Variants in CAMSAP2 observed in about 807,000 individuals in gnomAD.
CAMSAP2 encodes calmodulin regulated spectrin associated protein family member 2.
CAMSAP2 carries 26 observed loss-of-function variants against 146.1 expected under a neutral mutation model. That is an observed-to-expected ratio of 0.18 (90% CI 0.13 to 0.25). CAMSAP2 has a LOEUF of 0.25. Among genes scored for constraint, CAMSAP2 ranks in the 10% least tolerant of loss-of-function variants. CAMSAP2 has a pLI of 1.00. For synonymous variants in CAMSAP2, 499 were observed against 596.6 expected (o/e 0.84, Z 2.38); for missense variants, 1,381 against 1,759.3 (o/e 0.78, Z 3.85).
intron 4 of CAMSAP2, among the ~76,000 whole-genome samples, chr1:200,817,409 T>A (rs1298571149): frequency 6.6e-6 from 1 of 152,146 alleles, no homozygotes; most frequent in East Asian, 1.9e-4. Context: ...TTTAGTTGTG[T>A]GTTTGTCATA....
chr1:200,769,423 C>T (rs1156700005), intron 2 of CAMSAP2, among the ~76,000 whole-genome samples: 1 of 152,104 alleles, frequency 6.6e-6, no homozygotes, highest in African/African-American at 2.4e-5. Flanking sequence ...GTGGGGTGTC[C>T]TCTAATTCAG....
intron 7 of CAMSAP2, 129 bp downstream of exon 7, chr1:200,842,216 G>A: frequency 3.0e-6 from 2 of 655,976 alleles, no homozygotes; most frequent in East Asian, 2.8e-5. Context: ...TATTACACTT[G>A]ATAGATTCTC....
At chr1:200,816,620 ATATATG>A (rs1666498966) in intron 4 of CAMSAP2, among the ~76,000 whole-genome samples, 1 of 141,542 alleles carries the variant, frequency 7.1e-6, no homozygotes, top group African/African-American at 2.6e-5. Flanking sequence ...ATATATATAT[ATATATG>A]TATATATATA....
At chr1:200,805,394 C>T (rs750827629) in intron 2 of CAMSAP2, among the ~76,000 whole-genome samples, 5 of 152,060 alleles carry the variant, frequency 3.3e-5, no homozygotes, top group South Asian at 4.1e-4. Flanking sequence ...CCAGATACCA[C>T]GTTAGATGTA....
intron 2 of CAMSAP2, among the ~76,000 whole-genome samples, chr1:200,799,170 A>T (rs1665967246): frequency 6.6e-6 from 1 of 152,178 alleles, no homozygotes; most frequent in African/African-American, 2.4e-5. Context: ...TATCAGGATG[A>T]TGCTGGCCTC....
At chr1:200,838,961 G>C (rs1041528782) in intron 6 of CAMSAP2, among the ~76,000 whole-genome samples, 2 of 152,178 alleles carry the variant, frequency 1.3e-5, no homozygotes, top group Non-Finnish European at 2.9e-5. Context: ...CTGGGATAGT[G>C]GTGCCATTCA....
chr1:200,771,273 A>G (rs1263256560), intron 2 of CAMSAP2, among the ~76,000 whole-genome samples: 1 of 152,196 alleles, frequency 6.6e-6, no homozygotes, highest in Admixed American at 6.5e-5. Flanking sequence ...TACAAAAATA[A>G]TTTACTTTGC....
chr1:200,782,782 C>CTTTTTTTTTTT (rs57995961), intron 2 of CAMSAP2, among the ~76,000 whole-genome samples: 1 of 72,242 alleles, frequency 1.4e-5, no homozygotes, highest in Non-Finnish European at 2.7e-5. Flanking sequence ...TCATTTCTCT[C>CTTTTTTTTTTT]TTTTTTTTTT....
chr1:200,742,594 T>C (rs1664212017), intron 1 of CAMSAP2, among the ~76,000 whole-genome samples: 1 of 152,186 alleles, frequency 6.6e-6, no homozygotes, highest in South Asian at 2.1e-4. Flanking sequence ...GGTTAATAGA[T>C]AGCATATTTC....
chr1:200,741,550 A>G (rs1265620230), intron 1 of CAMSAP2, among the ~76,000 whole-genome samples: 2 of 152,260 alleles, frequency 1.3e-5, no homozygotes, highest in African/African-American at 4.8e-5. Flanking sequence ...GTGGAAAAGT[A>G]GTATGTATAA....
intron 8 of CAMSAP2, among the ~76,000 whole-genome samples, chr1:200,846,030 CT>C (rs1667452086): frequency 6.6e-6 from 1 of 152,164 alleles, no homozygotes; most frequent in African/African-American, 2.4e-5. Context: ...TTTGGACTCC[CT>C]AATCTATCTG....
intron 2 of CAMSAP2, among the ~76,000 whole-genome samples, chr1:200,804,185 C>T (rs1378827453): frequency 3.3e-5 from 5 of 152,090 alleles, no homozygotes; most frequent in African/African-American, 1.2e-4. Context: ...CTCGGCCTCC[C>T]AAAGTGCTGG....
At chr1:200,799,358 T>C (rs1374887472) in intron 2 of CAMSAP2, among the ~76,000 whole-genome samples, 1 of 152,194 alleles carries the variant, frequency 6.6e-6, no homozygotes, top group African/African-American at 2.4e-5. Flanking sequence ...AACTTGTTAT[T>C]GGTCTGTTCA....
chr1:200,739,930 A>C lies in CAMSAP2; in HGVS notation c.103A>C (p.Asn35His). 1 of 1,614,142 alleles carries C rather than the reference A, an allele frequency of 6.2e-7. No individual in the cohort carries two copies. The highest frequency in any genetic ancestry group is 8.5e-7 in the Non-Finnish European group (1 of 1,180,014). ...YDFSRAKIACNLAWLVAKAFG... is the reference protein window; with the variant it reads ...YDFSRAKIACHLAWLVAKAFG... ...TTTCTCCAGGGCCAAAATCGCCTGC[A>C]ATCTGGCCTGGCTGGTGGCCAAAGC... Residue 35 changes from asparagine to histidine, a missense_variant, in exon 1 of 17, where the codon AAT (asparagine) becomes CAT (histidine). Around this residue, in one of 4 missense-constraint regions of CAMSAP2, gnomAD observed 284 missense variants for 406.9 expected, o/e 0.70. Coordinates refer to ENST00000358823, the MANE Select transcript of CAMSAP2 (RefSeq NM_203459.4). The surrounding 1 kb of genome is among the most constrained non-coding windows in gnomAD (Gnocchi z 4.8).
At chr1:200,843,393 C>T (rs1667377037) in intron 7 of CAMSAP2, among the ~76,000 whole-genome samples, 1 of 152,158 alleles carries the variant, frequency 6.6e-6, no homozygotes, top group Non-Finnish European at 1.5e-5. Flanking sequence ...TGCTAAGCTT[C>T]TTAAGGCAGA....
chr1:200,759,511 A>G (rs554683013), intron 1 of CAMSAP2, among the ~76,000 whole-genome samples: 10 of 152,292 alleles, frequency 6.6e-5, no homozygotes, highest in African/African-American at 2.4e-4. Flanking sequence ...TCCTGACCTC[A>G]GGTGATCTGC....
intron 1 of CAMSAP2, among the ~76,000 whole-genome samples, chr1:200,752,402 A>G (rs1251558475): frequency 6.6e-6 from 1 of 152,142 alleles, no homozygotes; most frequent in African/African-American, 2.4e-5. Context: ...ATTTTGCTAC[A>G]ATAAGCAGCA....
At position 200,817,220 on chromosome 1, in the gene CAMSAP2, A is replaced by ATATG. The variant is rs1558192223; in HGVS notation, c.645+1577_645+1578insATGT. 2.4e-4 allele frequency among the ~76,000 whole-genome samples: 26 copies of ATATG among 108,462 alleles called. No individual in the cohort carries two copies. In the South Asian group the frequency reaches 7.7e-3, roughly 32 times the overall value. 71.2% of individuals were successfully genotyped at this position (108,462 alleles called of 152,430 possible). A position where few individuals can be genotyped will look rare whatever the true frequency, so the allele number is the denominator to read the frequency against. On this transcript the variant is annotated intron_variant, in intron 4 of 16. Transcript: ENST00000358823. ...TGTGTGTATACACACATACACACAT[A>ATATG]TGTGTGTGTATATACACACATACAC...
intron 2 of CAMSAP2, among the ~76,000 whole-genome samples, chr1:200,806,704 A>G (rs1433260568): frequency 1.3e-5 from 2 of 151,988 alleles, no homozygotes; most frequent in African/African-American, 4.8e-5. Flanking sequence ...GGGGCACTTC[A>G]TATACTACTG....
Sources: gnomAD v4.1 joint callset for allele counts (sites outside exome capture counted in the v4.1 genomes callset) on GRCh38, gnomAD v4.1.1 for gene constraint, gnomAD v4.1.1 regional missense constraint, Gnocchi (gnomAD v3.1) non-coding constraint, MANE v1.5 for transcripts, NCBI Gene and HGNC (gene_info 2026-07-23, HGNC 2026-07-21) for gene names.